Variants in LRRC27 observed in about 807,000 individuals in gnomAD.
LRRC27 encodes the protein leucine rich repeat containing 27.
Under a neutral mutation model 55.0 loss-of-function variants are expected in LRRC27, and 57 were observed. That is an observed-to-expected ratio of 1.04 (90% CI 0.84 to 1.29). LRRC27 has a LOEUF of 1.29. Ranked by LOEUF, LRRC27 falls within the 50% of genes most tolerant of loss-of-function variation. The pLI, the probability that LRRC27 is intolerant of heterozygous loss-of-function variation, is 0.00. For missense variants in LRRC27, 721 were observed against 651.5 expected, an observed-to-expected ratio of 1.11 and a Z score of -1.16; for synonymous variants, 278 against 251.9, an observed-to-expected ratio of 1.10 and a Z score of -0.98.
rs981701735 is a variant in LRRC27, at chr10:132,348,614, C to T, written c.926+258C>T. On this transcript the variant is annotated intron_variant, in intron 6 of 10. Transcript: ENST00000368614. This position sits in a 1 kb window ranked among gnomAD's most constrained non-coding sequence, Gnocchi z 4.2. Reference sequence around the variant, plus strand: ...TACGCCCGGGGAAAAGAGACATAAGCGACAGTGAGATCTGTGGCCTGTGCT... The same window carrying T: ...TACGCCCGGGGAAAAGAGACATAAGTGACAGTGAGATCTGTGGCCTGTGCT... Among the ~76,000 whole-genome samples, 1 of 152,104 alleles carries T rather than the reference C, an allele frequency of 6.6e-6. No homozygotes were observed. The highest frequency in any genetic ancestry group is 2.4e-5 in the African/African-American group (1 of 41,380).
chr10:132,372,031 T>C lies in LRRC27; in HGVS notation c.1417-3035T>C, dbSNP rs1032715438. 1.3e-5 allele frequency among the ~76,000 whole-genome samples: 2 copies of C among 152,202 alleles called. No homozygotes were observed. Among genetic ancestry groups the C allele is most frequent in the African/African-American group, 4.8e-5 (2 of 41,440 alleles). On this transcript the variant is annotated intron_variant, in intron 10 of 10. Coordinates refer to ENST00000368614, the MANE Select transcript of LRRC27 (RefSeq NM_030626.3). This position sits in a 1 kb window ranked among gnomAD's most constrained non-coding sequence, Gnocchi z 4.0. ...AGCATGAAGGGCCTGCCCAGCAAAA[T>C]GCCAGCAAAGATGCACAGTGATGCA...
chr10:132,360,042 A>G (rs2068537170), intron 8 of LRRC27, among the ~76,000 whole-genome samples: 1 of 152,238 alleles, frequency 6.6e-6, no homozygotes, highest in Non-Finnish European at 1.5e-5. Flanking sequence ...CCAAATACAT[A>G]CTTTTAATGT....
At chr10:132,367,968 G>A (rs958185002) in intron 10 of LRRC27, among the ~76,000 whole-genome samples, 2 of 152,178 alleles carry the variant, frequency 1.3e-5, no homozygotes, top group Non-Finnish European at 2.9e-5. Context: ...CCAAAGAATT[G>A]ACAAAAATTT....
chr10:132,347,280 G>T (rs745547130), intron 5 of LRRC27, among the ~76,000 whole-genome samples: 1 of 151,422 alleles, frequency 6.6e-6, no homozygotes. Context: ...AGGCGCGCCC[G>T]GTGGGGCCTG....
chr10:132,364,843 C>CTCACACCCACCCTTACATCTA (rs1564855237), intron 9 of LRRC27, among the ~76,000 whole-genome samples: 1 of 115,380 alleles, frequency 8.7e-6, no homozygotes, highest in Non-Finnish European at 2.1e-5. Context: ...CACGCCCACA[C>CTCACACCCACCCTTACATCTA]CCTGGGGCCC....
At position 132,351,628 on chromosome 10, in the gene LRRC27, G is replaced by T. The variant is rs1440890013; in HGVS notation, c.948G>T (p.Arg316Ser). ...HVFRRKTASS[R>S]SILPDLLSPY... ...TTAGAAGGAAGACAGCCTCCTCCAG[G>T]AGCATCTTACCCGACCTCTTGTCAC... The change falls in exon 7 of 11, where the codon AGG (arginine) becomes AGT (serine). Residue 316 changes from arginine (R) to serine (S), a missense_variant. Transcript: ENST00000368614. 6.2e-6 allele frequency: 10 copies of T among 1,613,850 alleles called. No individual in the cohort carries two copies. Among genetic ancestry groups the T allele is most frequent in the Non-Finnish European group, 7.6e-6 (9 of 1,179,906 alleles).
chr10:132,338,434 A>G (rs1312985776), intron 3 of LRRC27, among the ~76,000 whole-genome samples: 1 of 152,212 alleles, frequency 6.6e-6, no homozygotes, highest in East Asian at 1.9e-4. Context: ...GGGAGCACCC[A>G]ACCAAGCTCC....
intron 9 of LRRC27, among the ~76,000 whole-genome samples, chr10:132,364,391 ACCCTTACATCTACCTCCACACCCG>A (rs1564853085): frequency 7.5e-5 from 5 of 66,504 alleles, no homozygotes; most frequent in South Asian, 5.5e-4. Context: ...ACTTACACCC[ACCCTTACATCTACCTCCACACCCG>A]CGCTTACACC....
At chr10:132,333,362 A>C (rs1320866419) in intron 1 of LRRC27, 115 bp from the exon 2 acceptor site, 1 of 423,322 alleles carries the variant, frequency 2.4e-6, no homozygotes, top group Admixed American at 4.4e-5. Context: ...GCTACTGCTT[A>C]GGAAAAATGA....
At chr10:132,336,843 C>A in intron 2 of LRRC27, 1 of 747,454 alleles carries the variant, frequency 1.3e-6, no homozygotes, top group East Asian at 2.5e-5. Flanking sequence ...GTATAAACAA[C>A]TAGCAGCATT....
chr10:132,337,327 T>G, intron 2 of LRRC27: 1 of 1,322,554 alleles, frequency 7.6e-7, no homozygotes, highest in Non-Finnish European at 9.6e-7. Flanking sequence ...GAGTGCCGGC[T>G]CTTCAGGAAG....
At chr10:132,346,281 A>G (rs1237394269) in intron 5 of LRRC27, among the ~76,000 whole-genome samples, 2 of 147,276 alleles carry the variant, frequency 1.4e-5, no homozygotes, top group African/African-American at 2.5e-5. Flanking sequence ...CTGGTCAAAA[A>G]TAAGTATTTT....
intron 9 of LRRC27, among the ~76,000 whole-genome samples, chr10:132,363,723 C>T (rs1240791040): frequency 6.6e-6 from 1 of 152,304 alleles, no homozygotes; most frequent in South Asian, 2.1e-4. Flanking sequence ...GGCCCCGGCC[C>T]TGCTGCTCAG....
At chr10:132,367,031 T>A in intron 10 of LRRC27, 1 of 1,125,270 alleles carries the variant, frequency 8.9e-7, no homozygotes, top group Non-Finnish European at 1.1e-6. Context: ...ACCTTGTCCT[T>A]GGACACCCAA....
chr10:132,331,819 C>G (rs749447423), upstream of LRRC27: 57 of 1,551,800 alleles, frequency 3.7e-5, no homozygotes, highest in Non-Finnish European at 4.7e-5. Context: ...GACCACCACC[C>G]CTTCAAGGCC....
rs78803570 is a variant in LRRC27, at chr10:132,361,549, A to G, written c.1263A>G (p.Lys421=). The G allele has an allele frequency of 1.0e-3, 1,658 of 1,613,668 alleles. 9 individuals are homozygous for G. In the African/African-American group the frequency reaches 0.015, roughly 14 times the overall value. ...GAAAAATGAAACCAAGCAAAGAGAA[A>G]TCGCCACAAGCAAGTAAAGAAATGA... is the stretch of plus-strand genomic sequence containing the variant. The part of the protein sequence containing the change: ...PPGKMKPSKE[K]SPQASKEMSA... Residue 421 remains lysine (K), a synonymous_variant, in exon 9 of 11, where the codon AAA becomes AAG. Coordinates refer to ENST00000368614, the MANE Select transcript of LRRC27 (RefSeq NM_030626.3).
At chr10:132,363,714 G>A (rs1004242968) in intron 9 of LRRC27, among the ~76,000 whole-genome samples, 5 of 152,158 alleles carry the variant, frequency 3.3e-5, no homozygotes, top group Non-Finnish European at 5.9e-5. Context: ...CCAGGGCCTG[G>A]CCCCGGCCCT....
chr10:132,330,398 C>A, upstream of LRRC27: 1 of 716,346 alleles, frequency 1.4e-6, no homozygotes, highest in South Asian at 1.5e-5. Flanking sequence ...ACGGCAACAC[C>A]CATGTCACTC....
chr10:132,358,737 CGTGGGGAGGAGCCGAGGTGATGGAGCAGT>C (rs2068447773), intron 8 of LRRC27, among the ~76,000 whole-genome samples: 14 of 42,626 alleles, frequency 3.3e-4, no homozygotes, highest in African/African-American at 1.2e-3. Context: ...GGTGGAGCAG[CGTGGGGAGGAGCCGAGGTGATGGAGCAGT>C]GTGGGGAGGA....
Sources: gnomAD v4.1 joint callset for allele counts (sites outside exome capture counted in the v4.1 genomes callset) on GRCh38, gnomAD v4.1.1 for gene constraint, Gnocchi (gnomAD v3.1) non-coding constraint, MANE v1.5 for transcripts, NCBI Gene and HGNC (gene_info 2026-07-23, HGNC 2026-07-21) for gene names.